Variants in SUSD1 observed in about 807,000 individuals in gnomAD.
SUSD1 encodes sushi domain containing 1.
SUSD1 carries 65 observed loss-of-function variants against 86.9 expected under a neutral mutation model. That is an observed-to-expected ratio of 0.75 (90% confidence interval 0.61 to 0.92). The LOEUF is 0.92. SUSD1 is among the 40% of genes least tolerant of loss of function. The pLI is 0.00. For missense variants in SUSD1, 850 were observed against 929.7 expected (o/e 0.91, Z 1.11); for synonymous variants, 346 against 350.0 (o/e 0.99, Z 0.13).
rs1564277020 is a variant in SUSD1, at chr9:112,080,615, G to T, written c.1475-450C>A. 2.0e-5 allele frequency among the ~76,000 whole-genome samples: 3 copies of T among 151,858 alleles called. No individual in the cohort carries two copies. The East Asian group carries it at 5.8e-4, about 29-fold the overall frequency. On this transcript the variant is annotated intron_variant, in intron 10 of 16. Transcript: ENST00000374270. The stretch of plus-strand genomic sequence containing the variant: ...AAGCAGGAGAATCGCTTGAACCTGG[G>T]AGGCGGGGGTTGCAGTCAGCAGAGA...
intron 2 of SUSD1, among the ~76,000 whole-genome samples, chr9:112,150,419 G>A (rs1832995736): frequency 1.3e-5 from 2 of 152,016 alleles, no homozygotes; most frequent in South Asian, 4.2e-4. Flanking sequence ...TTCACCAGTG[G>A]GCCCCTCATA....
chr9:112,159,660 A>G (rs1352312897), intron 1 of SUSD1, among the ~76,000 whole-genome samples: 3 of 152,220 alleles, frequency 2.0e-5, no homozygotes, highest in African/African-American at 7.2e-5. Context: ...CTCCTAAATA[A>G]TTCTTAGGAC....
intron 5 of SUSD1, among the ~76,000 whole-genome samples, chr9:112,126,742 G>T (rs1177536798): frequency 5.9e-5 from 9 of 152,130 alleles, no homozygotes; most frequent in Non-Finnish European, 1.3e-4. Flanking sequence ...CCCACCCAGA[G>T]ATAACTCTTC....
intron 1 of SUSD1, among the ~76,000 whole-genome samples, chr9:112,161,365 G>GT (rs1472298426): frequency 3.6e-5 from 5 of 140,688 alleles, no homozygotes; most frequent in African/African-American, 1.4e-4. Flanking sequence ...GGGTGACAAA[G>GT]TAAGACTTCA....
At chr9:112,111,954 A>C in intron 7 of SUSD1, 114 bp from the exon 8 acceptor site, 1 of 1,116,198 alleles carries the variant, frequency 9.0e-7, no homozygotes, top group Non-Finnish European at 1.3e-6. Flanking sequence ...CTGCTCAGCC[A>C]GGGAGCATTC....
intron 2 of SUSD1, among the ~76,000 whole-genome samples, chr9:112,154,868 G>A (rs977447068): frequency 2.0e-5 from 3 of 152,092 alleles, no homozygotes; most frequent in African/African-American, 7.2e-5. Context: ...GCCAAGCATC[G>A]GGATGCACAG....
At chr9:112,100,850 G>A (rs1830602552) in intron 9 of SUSD1, among the ~76,000 whole-genome samples, 1 of 59,478 alleles carries the variant, frequency 1.7e-5, no homozygotes, top group South Asian at 5.9e-4. Flanking sequence ...CAAAAAAATT[G>A]TACCTGGACA....
rs1271628360 is a variant in SUSD1 at position 112,088,054 on chromosome 9, G to C, written c.1475-7889C>G. Among the ~76,000 whole-genome samples, 4 of 152,284 alleles carry C rather than the reference G, an allele frequency of 2.6e-5. No individual in the cohort carries two copies. In the East Asian group the frequency reaches 7.7e-4, roughly 29 times the overall value. On this transcript the variant is annotated intron_variant, in intron 10 of 16. Transcript: ENST00000374270. The stretch of plus-strand genomic sequence containing the variant: ...TTCTCAAAAGCTACATAGAAAGCAA[G>C]GCAAGAAAAGAACTGAATCTTTTTA...
chr9:112,058,419 GAA>G lies in SUSD1; in HGVS notation c.2109+7_2109+8del, dbSNP rs1329749156. The G allele has an allele frequency of 6.2e-7, 1 of 1,610,986 alleles. No individual in the cohort carries two copies. Among genetic ancestry groups the G allele is most frequent in the Admixed American group, 1.7e-5 (1 of 59,810 alleles). ...TACAGAGTTCACAAGAGCTTGGAAA[GAA>G]AGATACCTTATTCCATTCACTTGTG... On this transcript the variant is annotated splice_region_variant and intron_variant, in intron 14 of 16. Transcript: ENST00000374270.
At chr9:112,073,500 C>T (rs1277010163) in intron 12 of SUSD1, among the ~76,000 whole-genome samples, 2 of 144,636 alleles carry the variant, frequency 1.4e-5, no homozygotes, top group Admixed American at 7.0e-5. Flanking sequence ...TTCCCCACCC[C>T]GCCCCCACCC....
intron 6 of SUSD1, among the ~76,000 whole-genome samples, chr9:112,124,044 G>T (rs1017742230): frequency 6.6e-6 from 1 of 151,990 alleles, no homozygotes; most frequent in African/African-American, 2.4e-5. Context: ...TCAAAAGATG[G>T]ATGCATAACA....
At chr9:112,080,560 T>C (rs1303391977) in intron 10 of SUSD1, among the ~76,000 whole-genome samples, 1 of 151,970 alleles carries the variant, frequency 6.6e-6, no homozygotes, top group Non-Finnish European at 1.5e-5. Flanking sequence ...TGGTGGTGTG[T>C]GCCTGTAGTC....
At chr9:112,157,431 A>G in intron 2 of SUSD1, 69 bp downstream of exon 2, 3 of 1,118,282 alleles carry the variant, frequency 2.7e-6, no homozygotes, top group Non-Finnish European at 3.9e-6. Context: ...AAGGACATCA[A>G]CTCTTTAATA....
chr9:112,063,729 G>A (rs1208640317), intron 12 of SUSD1, among the ~76,000 whole-genome samples: 2 of 152,224 alleles, frequency 1.3e-5, no homozygotes, highest in Admixed American at 6.5e-5. Flanking sequence ...TGGTATAAAT[G>A]TGCTAACTGC....
At chr9:112,128,156 G>A (rs867020656) in intron 5 of SUSD1, among the ~76,000 whole-genome samples, 2 of 151,440 alleles carry the variant, frequency 1.3e-5, no homozygotes, top group South Asian at 2.1e-4. Flanking sequence ...GCAGTGGCAC[G>A]ATCTCAGCTC....
intron 2 of SUSD1, among the ~76,000 whole-genome samples, chr9:112,152,453 G>A (rs1027567139): frequency 1.8e-4 from 27 of 151,270 alleles, no homozygotes; most frequent in Admixed American, 5.9e-4. Flanking sequence ...CCTGACTGGA[G>A]TGCAGTGGTG....
Position 112,175,100 on chromosome 9 carries a change from C to T in SUSD1, c.103+33G>A, listed in dbSNP as rs1377572564. On this transcript the variant is annotated intron_variant, in intron 1 of 16. Transcript: ENST00000374270. The surrounding 1 kb of genome is among the most constrained non-coding windows in gnomAD (Gnocchi z 4.7). ...CTCGAGGCCCAGCCGGGGGCCCCGC[C>T]GGCCGCCCGTGCCCGTCCCAGCCCG... is the stretch of plus-strand genomic sequence containing the variant. 5.0e-6 allele frequency: 5 copies of T among 1,008,318 alleles called. No homozygotes were observed. The highest frequency in any genetic ancestry group is 1.0e-4 in the East Asian group (1 of 9,630). The allele number at this position is 1,008,318 out of a possible 1,614,324, so 62.5% of individuals were successfully genotyped here.
chr9:112,162,029 G>A (rs1413396189), intron 1 of SUSD1, among the ~76,000 whole-genome samples: 1 of 151,992 alleles, frequency 6.6e-6, no homozygotes, highest in Non-Finnish European at 1.5e-5. Context: ...AGAAAATATT[G>A]AAAATTACAG....
At chr9:112,130,020 C>A (rs146730742) in intron 5 of SUSD1, among the ~76,000 whole-genome samples, 32 of 152,250 alleles carry the variant, frequency 2.1e-4, no homozygotes, top group African/African-American at 7.7e-4. Flanking sequence ...CCACAAAAAC[C>A]AGTATTAATC....
Sources: allele counts gnomAD v4.1 joint callset (sites outside exome capture counted in the v4.1 genomes callset), GRCh38; gene constraint gnomAD v4.1.1; non-coding constraint Gnocchi (gnomAD v3.1); transcripts MANE v1.5; gene names NCBI Gene and HGNC (gene_info 2026-07-23, HGNC 2026-07-21).